Variants in DACH2 observed in about 807,000 individuals in gnomAD.
DACH2 encodes dachshund family transcription factor 2.
Under a neutral mutation model 35.8 loss-of-function variants are expected in DACH2, and 17 were observed. The ratio of observed to expected loss-of-function variants is 0.48; its 90% CI spans 0.33 to 0.71. DACH2 has a LOEUF of 0.71. Among genes scored for constraint, DACH2 ranks in the 30% least tolerant of loss-of-function variants. The probability of loss-of-function intolerance (pLI) is 0.02; values close to 1 mark genes in which losing one functional copy is unlikely to be tolerated. For missense variants in DACH2, 469 were observed against 472.7 expected (o/e 0.99, Z 0.07); for synonymous variants, 195 against 177.3 (o/e 1.10, Z -0.79).
intron 1 of DACH2, among the ~76,000 whole-genome samples, chrX:86,167,027 G>C (rs2030966001): frequency 9.0e-6 from 1 of 111,070 alleles, no homozygotes; most frequent in African/African-American, 3.3e-5. Context: ...TTCATTTTTT[G>C]ATGTGTTTTT....
intron 4 of DACH2, among the ~76,000 whole-genome samples, chrX:86,667,613 A>AAAGAAAGG (rs2040714801): frequency 6.3e-5 from 6 of 95,212 alleles, no homozygotes; most frequent in Admixed American, 2.1e-4. Context: ...AGAAAGAAAG[A>AAAGAAAGG]AAGGCAGGCA....
intron 7 of DACH2, among the ~76,000 whole-genome samples, chrX:86,770,668 G>A (rs1480549014): frequency 9.0e-6 from 1 of 111,661 alleles, no homozygotes; most frequent in African/African-American, 3.3e-5. Flanking sequence ...TTTTTCCGGG[G>A]AAAATATCAC....
chrX:86,687,750 G>A (rs1307728151), intron 4 of DACH2, among the ~76,000 whole-genome samples: 3 of 110,992 alleles, frequency 2.7e-5, no homozygotes, highest in Non-Finnish European at 5.7e-5. Flanking sequence ...CAGGGACATG[G>A]ATGAAGTTGG....
intron 7 of DACH2, among the ~76,000 whole-genome samples, chrX:86,745,197 T>C (rs1392143137): frequency 9.0e-6 from 1 of 111,668 alleles, no homozygotes; most frequent in Non-Finnish European, 1.9e-5. Context: ...GAACAGCTAA[T>C]AGTTTTAACA....
intron 1 of DACH2, among the ~76,000 whole-genome samples, chrX:86,335,839 G>A (rs1479811315): frequency 1.8e-5 from 2 of 111,715 alleles, no homozygotes; most frequent in South Asian, 3.7e-4. Flanking sequence ...TTGTCATAGG[G>A]CATGCTTCCA....
intron 3 of DACH2, among the ~76,000 whole-genome samples, chrX:86,602,497 C>A (rs1602689358): frequency 8.9e-6 from 1 of 111,961 alleles, no homozygotes; most frequent in South Asian, 3.6e-4. Flanking sequence ...TGATTCACAT[C>A]CTTGTGAGAA....
At chrX:86,555,907 C>A (rs910977985) in intron 3 of DACH2, among the ~76,000 whole-genome samples, 1 of 111,161 alleles carries the variant, frequency 9.0e-6, no homozygotes, top group African/African-American at 3.3e-5. Flanking sequence ...TTAAGCCCAT[C>A]ATGGTTACTC....
intron 2 of DACH2, among the ~76,000 whole-genome samples, chrX:86,432,034 T>G (rs1266017232): frequency 8.9e-6 from 1 of 112,024 alleles, no homozygotes; most frequent in East Asian, 2.8e-4. Flanking sequence ...AGAGGAAGTT[T>G]AAGGTCCAGA....
chrX:86,739,904 G>A (rs2041636247), intron 7 of DACH2, 22 bp downstream of exon 7: 2 of 1,162,688 alleles, frequency 1.7e-6, no homozygotes, highest in African/African-American at 3.6e-5. Flanking sequence ...TTCTGAAACA[G>A]GTAATTGGAA....
chrX:86,399,807 C>T (rs1024811227), intron 2 of DACH2, among the ~76,000 whole-genome samples: 1 of 111,600 alleles, frequency 9.0e-6, no homozygotes, highest in African/African-American at 3.3e-5. Context: ...TCTGGCTGCC[C>T]TTAACATTTT....
intron 1 of DACH2, among the ~76,000 whole-genome samples, chrX:86,220,924 G>T (rs2147923467): frequency 8.9e-6 from 1 of 111,959 alleles, no homozygotes; most frequent in Admixed American, 9.5e-5. Context: ...GGTGTGAGGT[G>T]ATATCTAATT....
chrX:86,349,532 G>T (rs762183216), intron 1 of DACH2, among the ~76,000 whole-genome samples: 1 of 112,253 alleles, frequency 8.9e-6, no homozygotes, highest in East Asian at 2.8e-4. Flanking sequence ...TGGAGCCCTC[G>T]CCAGGGACCG....
intron 3 of DACH2, among the ~76,000 whole-genome samples, chrX:86,615,427 A>G (rs968935237): frequency 6.3e-5 from 7 of 111,610 alleles, no homozygotes; most frequent in Non-Finnish European, 1.1e-4. Context: ...AATCAGATTT[A>G]TATGTCTCCA....
chrX:86,733,106 C>T (rs921867969), intron 6 of DACH2, among the ~76,000 whole-genome samples: 1 of 111,214 alleles, frequency 9.0e-6, no homozygotes, highest in Non-Finnish European at 1.9e-5. Flanking sequence ...TAGTTTGCAC[C>T]GTGGGCACCT....
At chrX:86,368,318 G>T (rs991851723) in intron 1 of DACH2, among the ~76,000 whole-genome samples, 1 of 111,160 alleles carries the variant, frequency 9.0e-6, no homozygotes, top group Non-Finnish European at 1.9e-5. Context: ...TAATATTCCT[G>T]ATGTAAGATA....
At chrX:86,376,683 G>A (rs1001607832) in intron 1 of DACH2, 141 bp from the exon 2 acceptor site, 5 of 800,803 alleles carry the variant, frequency 6.2e-6, no homozygotes, top group Non-Finnish European at 8.5e-6. Flanking sequence ...TTCATTGTGT[G>A]TAACCTATCT....
intron 5 of DACH2, among the ~76,000 whole-genome samples, chrX:86,701,260 C>A (rs1014706825): frequency 9.0e-6 from 1 of 111,479 alleles, no homozygotes; most frequent in African/African-American, 3.3e-5. Context: ...AAAACAAAAA[C>A]CACATGGTTA....
chrX:86,549,453 T>C (rs1455988322), intron 3 of DACH2, among the ~76,000 whole-genome samples: 1 of 111,352 alleles, frequency 9.0e-6, no homozygotes, highest in East Asian at 2.8e-4. Context: ...AAGAGAAACA[T>C]GGAATATTTA....
intron 6 of DACH2, among the ~76,000 whole-genome samples, chrX:86,724,039 A>G (rs966157995): frequency 9.0e-6 from 1 of 111,348 alleles, no homozygotes; most frequent in Non-Finnish European, 1.9e-5. Context: ...ACCAGCATAA[A>G]GTTGGATCAT....
Sources: gnomAD v4.1 joint callset for allele counts (sites outside exome capture counted in the v4.1 genomes callset) on GRCh38, gnomAD v4.1.1 for gene constraint, MANE v1.5 for transcripts, NCBI Gene and HGNC (gene_info 2026-07-23, HGNC 2026-07-21) for gene names.